Variants in ST6GALNAC3 observed in about 807,000 individuals in gnomAD.
ST6GALNAC3 encodes the protein alpha-N-acetylgalactosaminide alpha-2,6-sialyltransferase 3.
In ST6GALNAC3, 25 loss-of-function variants were observed where a neutral mutation model predicts 32.7. The observed-to-expected ratio is 0.76, with a 90% confidence interval of 0.56 to 1.07. The LOEUF (loss-of-function observed/expected upper bound fraction) is 1.07. Among genes scored for constraint, ST6GALNAC3 ranks in the 50% least tolerant of loss-of-function variants. ST6GALNAC3 has a pLI of 0.00. For synonymous variants in ST6GALNAC3, 129 were observed against 133.1 expected, an observed-to-expected ratio of 0.97 and a Z score of 0.21; for missense variants, 355 against 382.4, an observed-to-expected ratio of 0.93 and a Z score of 0.60.
chr1:76,468,175 T>C (rs1447166328), intron 3 of ST6GALNAC3, among the ~76,000 whole-genome samples: 1 of 151,908 alleles, frequency 6.6e-6, no homozygotes, highest in Admixed American at 6.6e-5. Context: ...TGGGTCTAGC[T>C]TAGTGTTTGC....
intron 2 of ST6GALNAC3, among the ~76,000 whole-genome samples, chr1:76,386,561 A>C (rs1330009863): frequency 6.6e-6 from 1 of 152,182 alleles, no homozygotes; most frequent in Admixed American, 6.5e-5. Context: ...TTCTCCTGAC[A>C]ACCCTGAGAG....
At chr1:76,480,642 G>C (rs12066794) in intron 3 of ST6GALNAC3, among the ~76,000 whole-genome samples, 37,787 of 151,920 alleles carry the variant, frequency 0.25, 6,334 homozygotes, top group African/African-American at 0.48. Flanking sequence ...TTGTAGGACT[G>C]CCCTCAACCC....
At chr1:76,274,387 A>G (rs527979914) in intron 1 of ST6GALNAC3, among the ~76,000 whole-genome samples, 1 of 152,214 alleles carries the variant, frequency 6.6e-6, no homozygotes, top group Non-Finnish European at 1.5e-5. Context: ...GGTGGCTTAT[A>G]GCAAGCATGG....
intron 2 of ST6GALNAC3, among the ~76,000 whole-genome samples, chr1:76,344,849 C>T (rs945631829): frequency 5.9e-5 from 9 of 152,120 alleles, no homozygotes; most frequent in African/African-American, 1.4e-4. Context: ...AGCTGTGAAA[C>T]GTTATGAGGT....
intron 1 of ST6GALNAC3, among the ~76,000 whole-genome samples, chr1:76,205,843 A>AAGG (rs10671684): frequency 0.83 from 125,291 of 151,854 alleles, 52,336 homozygotes; most frequent in East Asian, 1. Flanking sequence ...AGGGATGTTA[A>AAGG]AGATTAGACC....
chr1:76,196,989 A>G (rs1052537096), intron 1 of ST6GALNAC3, among the ~76,000 whole-genome samples: 2 of 152,166 alleles, frequency 1.3e-5, no homozygotes, highest in African/African-American at 4.8e-5. Context: ...TAACTGGTTC[A>G]GTATTTATAT....
At chr1:76,422,055 T>C (rs1437473202) in intron 3 of ST6GALNAC3, among the ~76,000 whole-genome samples, 2 of 151,994 alleles carry the variant, frequency 1.3e-5, no homozygotes, top group Admixed American at 1.3e-4. Flanking sequence ...AATATACTTA[T>C]TTATTTTAAT....
intron 1 of ST6GALNAC3, among the ~76,000 whole-genome samples, chr1:76,243,337 T>C (rs555665633): frequency 1.3e-5 from 2 of 152,334 alleles, no homozygotes; most frequent in African/African-American, 4.8e-5. Flanking sequence ...AAGTTCCTTG[T>C]AGATTCTGGA....
At chr1:76,578,171 G>A (rs1646838884) in intron 3 of ST6GALNAC3, among the ~76,000 whole-genome samples, 1 of 152,046 alleles carries the variant, frequency 6.6e-6, no homozygotes, top group Admixed American at 6.6e-5. Flanking sequence ...GCTTGCAGAT[G>A]CTAATGGGTA....
chr1:76,563,049 G>T, intron 3 of ST6GALNAC3, among the ~76,000 whole-genome samples: 1 of 152,184 alleles, frequency 6.6e-6, no homozygotes, highest in East Asian at 1.9e-4. Context: ...CAGTTTAATT[G>T]AAATGTGACC....
chr1:76,305,908 G>A, intron 1 of ST6GALNAC3: 1 of 518,082 alleles, frequency 1.9e-6, no homozygotes. Context: ...CTGATATTCT[G>A]CCTCTAGAGC....
chr1:76,283,931 A>G (rs776102787), intron 1 of ST6GALNAC3, among the ~76,000 whole-genome samples: 2 of 152,170 alleles, frequency 1.3e-5, no homozygotes, highest in Non-Finnish European at 2.9e-5. Context: ...TAGTGACATC[A>G]TGTGACCATG....
intron 2 of ST6GALNAC3, among the ~76,000 whole-genome samples, chr1:76,405,651 A>C (rs1255438258): frequency 6.6e-6 from 1 of 151,652 alleles, no homozygotes; most frequent in Non-Finnish European, 1.5e-5. Context: ...ATGGAGGAAC[A>C]GAAGGGTTCT....
chr1:76,589,025 T>C (rs1173698541), intron 3 of ST6GALNAC3, among the ~76,000 whole-genome samples: 1 of 152,198 alleles, frequency 6.6e-6, no homozygotes, highest in Non-Finnish European at 1.5e-5. Flanking sequence ...ATTTCCTGTG[T>C]AGATCCTGAC....
intron 1 of ST6GALNAC3, among the ~76,000 whole-genome samples, chr1:76,189,920 G>A (rs1446656415): frequency 6.6e-6 from 1 of 152,152 alleles, no homozygotes; most frequent in Non-Finnish European, 1.5e-5. Flanking sequence ...TTCTTAGCCT[G>A]GTTGGGGGAT....
intron 3 of ST6GALNAC3, among the ~76,000 whole-genome samples, chr1:76,570,890 A>G (rs1665821041): frequency 6.6e-6 from 1 of 151,866 alleles, no homozygotes; most frequent in African/African-American, 2.4e-5. Context: ...CTTAGGTGCC[A>G]CTTCTTTGTT....
At chr1:76,385,243 T>C (rs976083208) in intron 2 of ST6GALNAC3, among the ~76,000 whole-genome samples, 6 of 152,134 alleles carry the variant, frequency 3.9e-5, no homozygotes, top group African/African-American at 1.4e-4. Context: ...GTATCAGTCA[T>C]GAGACTTCTT....
chr1:76,445,688 C>T (rs1468135300), intron 3 of ST6GALNAC3, among the ~76,000 whole-genome samples: 5 of 152,054 alleles, frequency 3.3e-5, no homozygotes, highest in South Asian at 4.2e-4. Context: ...TCTTACTGTG[C>T]CAGTTACATC....
intron 3 of ST6GALNAC3, among the ~76,000 whole-genome samples, chr1:76,619,792 G>C (rs1291830174): frequency 6.6e-6 from 1 of 152,110 alleles, no homozygotes. Flanking sequence ...CAGAATGACT[G>C]TGTTCCTATT....
Sources: gnomAD v4.1 joint callset for allele counts (sites outside exome capture counted in the v4.1 genomes callset) on GRCh38, gnomAD v4.1.1 for gene constraint, MANE v1.5 for transcripts, NCBI Gene and HGNC (gene_info 2026-07-23, HGNC 2026-07-21) for gene names.